Variants in MXD4 observed in about 807,000 individuals in gnomAD.
The protein encoded by MXD4 is Mad4 homolog.
In MXD4, 16 loss-of-function variants were observed where a neutral mutation model predicts 24.5. The observed-to-expected ratio is 0.65, with a 90% CI of 0.44 to 0.99. The LOEUF is 0.99. MXD4 is among the 50% of genes least tolerant of loss of function. The pLI is 0.00. For missense variants in MXD4, 301 were observed against 301.5 expected (o/e 1.00, Z 0.01); for synonymous variants, 164 against 134.2 (o/e 1.22, Z -1.54).
At chr4:2,256,190 T>C (rs2237000) in intron 3 of MXD4, among the ~76,000 whole-genome samples, 36,634 of 152,038 alleles carry the variant, frequency 0.24, 5,470 homozygotes, top group African/African-American at 0.4. Context: ...CACACTAAGA[T>C]CAGAGCCTGG....
intron 2 of MXD4, chr4:2,260,562 A>G (rs1222278404): frequency 1.5e-5 from 7 of 455,606 alleles, no homozygotes; most frequent in Admixed American, 7.1e-5. Context: ...GGGCTTGCTC[A>G]CTGAGGAGGC....
Position 2,250,361 on chromosome 4 carries a change from G to C in MXD4, c.*183C>G, listed in dbSNP as rs527559612. On this transcript the variant is annotated 3_prime_UTR_variant, in exon 6 of 6. Transcript: ENST00000337190. ...GCAGGGGACTCTGCCCAGCTGGAAG[G>C]GGCAGGCAGCTCGGCAGGCCCTGAC... is the stretch of plus-strand genomic sequence containing the variant. The C allele has an allele frequency of 3.9e-4, 313 of 803,048 alleles. No individual in the cohort carries two copies. In the African/African-American group the frequency reaches 4.7e-3, roughly 12 times the overall value. 49.7% of individuals were successfully genotyped at this position (803,048 alleles called of 1,614,324 possible). A position where few individuals can be genotyped will look rare whatever the true frequency, so the allele number is the denominator to read the frequency against.
chr4:2,258,237 G>A (rs1056547205), intron 2 of MXD4, among the ~76,000 whole-genome samples: 2 of 152,204 alleles, frequency 1.3e-5, no homozygotes, highest in East Asian at 1.9e-4. Flanking sequence ...TGGGTACTCC[G>A]TGCCGGGGGA....
intron 1 of MXD4, 36 bp from the exon 2 acceptor site, chr4:2,261,860 G>C (rs1241876685): frequency 2.2e-6 from 3 of 1,372,504 alleles, no homozygotes; most frequent in Non-Finnish European, 2.8e-6. Context: ...GCCCCCGCCC[G>C]GCACGGCCCC....
chr4:2,250,819 G>A, intron 5 of MXD4, 118 bp from the exon 6 acceptor site: 1 of 1,324,726 alleles, frequency 7.5e-7, no homozygotes, highest in Non-Finnish European at 1.0e-6. Flanking sequence ...GCGCTGTCTG[G>A]GCCCTGGGGC....
Position 2,252,530 on chromosome 4 carries a change from A to T in MXD4, c.195-8T>A. On this transcript the variant is annotated splice_polypyrimidine_tract_variant and splice_region_variant and intron_variant, in intron 3 of 5. Transcript: ENST00000337190. The stretch of plus-strand genomic sequence containing the variant: ...AGCCTGAGTTTGGCTCGTCTGAAAG[A>T]GCCAGAGACAGAACCATCAGGCTGG... 1 of 1,604,034 alleles carries T rather than the reference A, an allele frequency of 6.2e-7. No individual in the cohort carries two copies. Among genetic ancestry groups the T allele is most frequent in the Non-Finnish European group, 8.5e-7 (1 of 1,174,308 alleles).
At chr4:2,255,539 C>T (rs986748376) in intron 3 of MXD4, among the ~76,000 whole-genome samples, 6 of 152,162 alleles carry the variant, frequency 3.9e-5, no homozygotes, top group Non-Finnish European at 8.8e-5. Flanking sequence ...GGAAGATCCC[C>T]ACCCACCCCT....
rs769505435 is a variant in MXD4 at position 2,251,254 on chromosome 4, C to T, written c.310-8G>A. ...GTCCTGCTCCTCCAGTTTCTGGGGT[C>T]GAGGGGGGCTGTGAGCTCACAGCGG... On this transcript the variant is annotated splice_region_variant and splice_polypyrimidine_tract_variant and intron_variant, in intron 4 of 5. Transcript: ENST00000337190. 2.5e-5 allele frequency: 40 copies of T among 1,580,456 alleles called. No individual in the cohort carries two copies. The highest frequency in any genetic ancestry group is 3.5e-5 in the Non-Finnish European group (40 of 1,159,152).
intron 3 of MXD4, among the ~76,000 whole-genome samples, chr4:2,257,257 GA>G (rs1219249019): frequency 6.6e-6 from 1 of 152,190 alleles, no homozygotes; most frequent in African/African-American, 2.4e-5. Flanking sequence ...AGGAAGGGAG[GA>G]CAGAGCTGAC....
At position 2,257,935 on chromosome 4, in the gene MXD4, G is replaced by C; in HGVS notation, c.194+47C>G. On this transcript the variant is annotated intron_variant, in intron 3 of 5. Coordinates refer to ENST00000337190, the MANE Select transcript of MXD4 (RefSeq NM_006454.3). ...ACGCACCACACACCCTCAGTAAAAG[G>C]GTGGGCCAGGTGTCGGGCTCATGTG... 4 of 1,612,278 alleles carry C rather than the reference G, an allele frequency of 2.5e-6. No individual in the cohort carries two copies. In the South Asian group the frequency reaches 3.3e-5, roughly 13 times the overall value.
rs1362904574 is a variant in MXD4 at position 2,260,466 on chromosome 4, TCTC to T, written c.164+1256_164+1258del. On this transcript the variant is annotated intron_variant, in intron 2 of 5. Transcript: ENST00000337190. ...AGGACGCTGGTTGTCAGCTTTGGAT[TCTC>T]CATGCTGGGGGAGCCCCAGCTCACG... 4 of 438,426 alleles carry T rather than the reference TCTC, an allele frequency of 9.1e-6. No individual in the cohort carries two copies. In the Admixed American group the frequency reaches 9.8e-5, roughly 11 times the overall value. The allele number at this position is 438,426 out of a possible 1,614,324, so 27.2% of individuals were successfully genotyped here.
intron 2 of MXD4, among the ~76,000 whole-genome samples, chr4:2,258,244 G>A (rs1359262367): frequency 6.6e-6 from 1 of 152,126 alleles, no homozygotes; most frequent in Non-Finnish European, 1.5e-5. Context: ...TCCGTGCCGG[G>A]GGAGCCGCAG....
At chr4:2,251,543 G>A (rs1735323588) in intron 4 of MXD4, among the ~76,000 whole-genome samples, 1 of 152,258 alleles carries the variant, frequency 6.6e-6, no homozygotes, top group African/African-American at 2.4e-5. Flanking sequence ...GTTGAGCCAT[G>A]TGTGGCAGCG....
At chr4:2,260,998 C>T (rs1333507329) in intron 2 of MXD4, among the ~76,000 whole-genome samples, 2 of 152,252 alleles carry the variant, frequency 1.3e-5, no homozygotes, top group African/African-American at 4.8e-5. Flanking sequence ...AACACGAGGT[C>T]AAGGTATGGA....
chr4:2,260,303 T>C (rs1005611481), intron 2 of MXD4, among the ~76,000 whole-genome samples: 1 of 152,228 alleles, frequency 6.6e-6, no homozygotes, highest in African/African-American at 2.4e-5. Context: ...GGCAGGCAAG[T>C]AACCAAACCT....
intron 4 of MXD4, among the ~76,000 whole-genome samples, chr4:2,251,951 C>A (rs1024805595): frequency 5.3e-5 from 8 of 152,176 alleles, no homozygotes; most frequent in Admixed American, 5.2e-4. Context: ...TGAGCCCAGA[C>A]CCACTGCCAG....
At position 2,249,453 on chromosome 4, in the gene MXD4, T is replaced by TG. The variant is rs1343841793; in HGVS notation, c.*1090_*1091insC. The TG allele has an allele frequency of 2.6e-5, 4 of 151,848 alleles. No homozygotes were observed. Among genetic ancestry groups the TG allele is most frequent in the African/African-American group, 4.8e-5 (2 of 41,344 alleles). The allele number at this position is 151,848 out of a possible 1,614,324, so 9.4% of individuals were successfully genotyped here. A position where few individuals can be genotyped will look rare whatever the true frequency, so the allele number is the denominator to read the frequency against. On this transcript the variant is annotated 3_prime_UTR_variant, in exon 6 of 6. Coordinates refer to ENST00000337190, the MANE Select transcript of MXD4 (RefSeq NM_006454.3). ...GCTTTCTTCTTTTTAAAAATGGTTT[T>TG]TTTTTTTTTTCTGGGAAAGCCTCTC...
chr4:2,258,527 A>T (rs2108791135), intron 2 of MXD4, among the ~76,000 whole-genome samples: 1 of 152,298 alleles, frequency 6.6e-6, no homozygotes, highest in African/African-American at 2.4e-5. Context: ...CCCTGAGGCC[A>T]GCTGTGTCCT....
At chr4:2,260,125 C>T (rs1735509262) in intron 2 of MXD4, among the ~76,000 whole-genome samples, 1 of 152,238 alleles carries the variant, frequency 6.6e-6, no homozygotes, top group African/African-American at 2.4e-5. Flanking sequence ...CCCTGGGCTG[C>T]CTCAGGCCCC....
Sources: allele counts gnomAD v4.1 joint callset (sites outside exome capture counted in the v4.1 genomes callset), GRCh38; gene constraint gnomAD v4.1.1; transcripts MANE v1.5; gene names NCBI Gene and HGNC (gene_info 2026-07-23, HGNC 2026-07-21).